PLEKHA6: variants seen among roughly 807,000 people sequenced by gnomAD.
PLEKHA6 encodes pleckstrin homology domain containing A6.
A neutral mutation model predicts 116.7 loss-of-function variants in PLEKHA6; 60 were observed. The ratio of observed to expected loss-of-function variants is 0.51; its 90% CI spans 0.42 to 0.64. The LOEUF is 0.64. Among genes scored for constraint, PLEKHA6 ranks in the 30% least tolerant of loss-of-function variants. The probability of loss-of-function intolerance (pLI) is 0.00; values close to 1 mark genes in which losing one functional copy is unlikely to be tolerated. For synonymous variants in PLEKHA6, 489 were observed against 556.1 expected (o/e 0.88, Z 1.70); for missense variants, 1,338 against 1,422.7 (o/e 0.94, Z 0.96).
intron 1 of PLEKHA6, among the ~76,000 whole-genome samples, chr1:204,340,960 C>T (rs1221250261): frequency 1.3e-5 from 2 of 152,188 alleles, no homozygotes; most frequent in South Asian, 2.1e-4. Flanking sequence ...GGCAGGAGAG[C>T]GAGCAGCTGA....
chr1:204,302,013 G>T (rs116622823), intron 1 of PLEKHA6, among the ~76,000 whole-genome samples: 10 of 152,260 alleles, frequency 6.6e-5, no homozygotes, highest in African/African-American at 2.2e-4. Flanking sequence ...ACAGGCATAC[G>T]ACTGTTGGGC....
intron 1 of PLEKHA6, chr1:204,301,112 T>C (rs1369581031): frequency 3.8e-5 from 11 of 293,088 alleles, no homozygotes; most frequent in Non-Finnish European, 5.6e-5. Flanking sequence ...TTTTATGTAA[T>C]AAACAATGTG....
At chr1:204,239,917 T>G (rs914011450) in intron 17 of PLEKHA6, among the ~76,000 whole-genome samples, 2 of 152,228 alleles carry the variant, frequency 1.3e-5, no homozygotes, top group Admixed American at 6.5e-5. Context: ...TTTGCTTCCT[T>G]TTCCCATGAC....
chr1:204,272,970 C>G (rs1309813565), intron 3 of PLEKHA6, among the ~76,000 whole-genome samples: 2 of 152,182 alleles, frequency 1.3e-5, no homozygotes, highest in Non-Finnish European at 2.9e-5. Flanking sequence ...CTCCCATCCC[C>G]CCTTTTACCT....
At chr1:204,226,039 C>T (rs764229444) in intron 21 of PLEKHA6, among the ~76,000 whole-genome samples, 6 of 152,236 alleles carry the variant, frequency 3.9e-5, no homozygotes, top group Non-Finnish European at 8.8e-5. Context: ...GAACTCTACT[C>T]GCTGCACCCG....
At chr1:204,244,101 G>A (rs950018576) in intron 15 of PLEKHA6, among the ~76,000 whole-genome samples, 5 of 151,730 alleles carry the variant, frequency 3.3e-5, no homozygotes, top group Non-Finnish European at 5.9e-5. Context: ...GATTACAGGC[G>A]TGAGCCACCA....
intron 1 of PLEKHA6, among the ~76,000 whole-genome samples, chr1:204,304,439 TCTGCCCCAAAA>T (rs1388799614): frequency 5.9e-5 from 9 of 152,216 alleles, no homozygotes; most frequent in Non-Finnish European, 1.3e-4. Context: ...TTTTCAGAAA[TCTGCCCCAAAA>T]GTGGCCTTAT....
chr1:204,328,399 CTT>C (rs796534954), intron 1 of PLEKHA6, among the ~76,000 whole-genome samples: 21 of 125,800 alleles, frequency 1.7e-4, no homozygotes, highest in Non-Finnish European at 1.9e-4. Flanking sequence ...AATTTTCTTT[CTT>C]TTTTTTTTTT....
intron 15 of PLEKHA6, among the ~76,000 whole-genome samples, chr1:204,244,204 T>A (rs531945503): frequency 2.6e-4 from 40 of 151,910 alleles, no homozygotes; most frequent in African/African-American, 9.7e-4. Flanking sequence ...CGATCTTGGT[T>A]CACTGAAACC....
rs1664237141 is a variant in PLEKHA6, at chr1:204,249,376, C to T, written c.1594-112G>A. Reference sequence around the variant, plus strand: ...GCCTCTGGATACCCCCCTCCTTTCTCCTGCTGAGGAACCCTGGGCCTTCAC... The same window carrying T: ...GCCTCTGGATACCCCCCTCCTTTCTTCTGCTGAGGAACCCTGGGCCTTCAC... On this transcript the variant is annotated intron_variant, in intron 10 of 22. Transcript: ENST00000272203. 5.2e-6 allele frequency: 4 copies of T among 769,340 alleles called. No homozygotes were observed. The Admixed American group carries it at 6.3e-5, about 12-fold the overall frequency. 47.7% of individuals were successfully genotyped at this position (769,340 alleles called of 1,614,324 possible). A position where few individuals can be genotyped will look rare whatever the true frequency, so the allele number is the denominator to read the frequency against.
intron 1 of PLEKHA6, among the ~76,000 whole-genome samples, chr1:204,296,885 A>G (rs1018183666): frequency 1.3e-5 from 2 of 152,172 alleles, no homozygotes; most frequent in Non-Finnish European, 2.9e-5. Context: ...GAGAGCGTGG[A>G]CGGAAATGAG....
intron 1 of PLEKHA6, among the ~76,000 whole-genome samples, chr1:204,306,275 T>C (rs922149240): frequency 6.6e-6 from 1 of 152,174 alleles, no homozygotes; most frequent in Non-Finnish European, 1.5e-5. Context: ...ACTGCTCAGA[T>C]GGCAGCCAGG....
At position 204,228,337 on chromosome 1, in the gene PLEKHA6, T is replaced by G; in HGVS notation, c.2886-109A>C. 3.6e-6 allele frequency: 4 copies of G among 1,105,772 alleles called. No individual in the cohort carries two copies. The highest frequency in any genetic ancestry group is 5.2e-6 in the Non-Finnish European group (4 of 764,128). The allele number at this position is 1,105,772 out of a possible 1,614,324, so 68.5% of individuals were successfully genotyped here. On this transcript the variant is annotated intron_variant, in intron 20 of 22. Coordinates refer to ENST00000272203, the MANE Select transcript of PLEKHA6 (RefSeq NM_014935.5). The surrounding 1 kb of genome is among the most constrained non-coding windows in gnomAD (Gnocchi z 4.0). Reference sequence around the variant, plus strand: ...AGGGAGGGCCAGGGCCCCGTGAATGTGCAGTCTCTGGTTCCCAGCAAGGCT... The same window carrying G: ...AGGGAGGGCCAGGGCCCCGTGAATGGGCAGTCTCTGGTTCCCAGCAAGGCT...
intron 1 of PLEKHA6, among the ~76,000 whole-genome samples, chr1:204,339,438 G>A (rs1416299091): frequency 6.6e-6 from 1 of 152,192 alleles, no homozygotes; most frequent in Non-Finnish European, 1.5e-5. Context: ...CTGTTACTAG[G>A]GAAATTGGGG....
rs60135610 is a variant in PLEKHA6, at chr1:204,253,897, T to C, written c.1525-3283A>G. ...AAACAAAAAGGAATAATACCCTTTA[T>C]CCATGAGGGAGTCTTCTGGAAGGCT... On this transcript the variant is annotated intron_variant, in intron 9 of 22. Transcript: ENST00000272203. Among the ~76,000 whole-genome samples the C allele has an allele frequency of 6.9e-3, 1,055 of 151,864 alleles. 5 individuals are homozygous for C. Among genetic ancestry groups the C allele is most frequent in the Middle Eastern group, 0.021 (6 of 290 alleles).
chr1:204,283,462 G>T (rs2102980941), intron 1 of PLEKHA6, among the ~76,000 whole-genome samples: 1 of 152,352 alleles, frequency 6.6e-6, no homozygotes, highest in African/African-American at 2.4e-5. Context: ...CATGTGGAAT[G>T]AAGAGAAAAA....
Position 204,333,614 on chromosome 1 carries a change from G to A in PLEKHA6, c.-95+26080C>T, listed in dbSNP as rs183775142. On this transcript the variant is annotated intron_variant, in intron 1 of 22. Coordinates refer to ENST00000272203, the MANE Select transcript of PLEKHA6 (RefSeq NM_014935.5). ...AATGATCTGAAGTTACACATCCTTA[G>A]GGAAGTGTCAAAGCCAGCTGGGAAC... Among the ~76,000 whole-genome samples the A allele has an allele frequency of 2.2e-3, 330 of 152,300 alleles. 1 individual carries two copies. The highest frequency in any genetic ancestry group is 7.5e-3 in the African/African-American group (312 of 41,564).
intron 1 of PLEKHA6, among the ~76,000 whole-genome samples, chr1:204,308,682 T>TTTTTC (rs1671504459): frequency 1.4e-5 from 1 of 71,272 alleles, no homozygotes; most frequent in African/African-American, 4.9e-5. Flanking sequence ...ATTCTTTTTC[T>TTTTTC]TTTTCTTTTT....
intron 13 of PLEKHA6, 88 bp downstream of exon 13, chr1:204,247,277 A>G (rs1663827727): frequency 1.3e-6 from 1 of 767,582 alleles, no homozygotes; most frequent in Non-Finnish European, 2.3e-6. Context: ...TCTGTTATCA[A>G]TGGCCGGAAC....
Sources: allele counts gnomAD v4.1 joint callset (sites outside exome capture counted in the v4.1 genomes callset), GRCh38; gene constraint gnomAD v4.1.1; non-coding constraint Gnocchi (gnomAD v3.1); transcripts MANE v1.5; gene names NCBI Gene and HGNC (gene_info 2026-07-23, HGNC 2026-07-21).